The following RUNDC1 variants were observed in gnomAD, a reference collection of about 807,000 sequenced individuals.
RUNDC1 encodes the protein RUN domain containing 1.
In RUNDC1, 31 loss-of-function variants were observed where a neutral mutation model predicts 49.3. The observed-to-expected ratio is 0.63, with a 90% CI of 0.47 to 0.85. The LOEUF (loss-of-function observed/expected upper bound fraction) is 0.85, where lower values mean the gene tolerates loss of function less well. RUNDC1 is among the 40% of genes least tolerant of loss of function. The probability of loss-of-function intolerance (pLI) is 0.00; values close to 1 mark genes in which losing one functional copy is unlikely to be tolerated. For synonymous variants in RUNDC1, 347 were observed against 348.6 expected (o/e 1.00, Z 0.05); for missense variants, 715 against 806.7 (o/e 0.89, Z 1.38).
At chr17:42,981,635 T>G (rs2050090520) in intron 1 of RUNDC1, 1 of 152,324 alleles carries the variant, frequency 6.6e-6, no homozygotes, top group Admixed American at 6.6e-5. Context: ...TAGATAAATT[T>G]CCTAATGTTG....
intron 2 of RUNDC1, among the ~76,000 whole-genome samples, chr17:42,987,902 G>C (rs141796280): frequency 6.6e-6 from 1 of 151,464 alleles, no homozygotes; most frequent in South Asian, 2.1e-4. Context: ...ATAGGCAGGC[G>C]CCACCATGCT....
rs1013600344 is a variant in RUNDC1, at chr17:42,994,005, G to A, written c.*2289G>A. On this transcript the variant is annotated 3_prime_UTR_variant, in exon 5 of 5. Transcript: ENST00000361677. ...CTTCTGAGTAGCTGGGAGTACCGGC[G>A]CCTGCCACCACGCCTGGCTAATGTT... Among the ~76,000 whole-genome samples the A allele has an allele frequency of 6.6e-6, 1 of 152,102 alleles. No individual in the cohort carries two copies. Among genetic ancestry groups the A allele is most frequent in the Non-Finnish European group, 1.5e-5 (1 of 68,028 alleles).
At chr17:42,983,098 C>T (rs2050125373) in intron 1 of RUNDC1, among the ~76,000 whole-genome samples, 1 of 150,642 alleles carries the variant, frequency 6.6e-6, no homozygotes, top group African/African-American at 2.4e-5. Context: ...AGGAGGATCA[C>T]TTGAGCCCAG....
In RUNDC1 at chr17:42,981,037, T is replaced by C; in HGVS notation, c.461T>C (p.Leu154Pro). 1 of 1,556,934 alleles carries C rather than the reference T, an allele frequency of 6.4e-7. No individual in the cohort carries two copies. ...GDPASDEGDGLPGDRPWLRGE... is the reference protein window; with the variant it reads ...GDPASDEGDGPPGDRPWLRGE... ...CCCGCCAGCGATGAGGGCGATGGGCTGCCAGGGGACCGGCCATGGTTGCGG... is the reference window on the plus strand; with the variant it reads ...CCCGCCAGCGATGAGGGCGATGGGCCGCCAGGGGACCGGCCATGGTTGCGG... The change falls in exon 1 of 5, where the codon CTG becomes CCG. Residue 154 changes from leucine to proline, a missense_variant. Coordinates refer to ENST00000361677, the MANE Select transcript of RUNDC1 (RefSeq NM_173079.5).
intron 1 of RUNDC1, chr17:42,982,147 A>C (rs1182455193): frequency 6.6e-6 from 1 of 151,628 alleles, no homozygotes; most frequent in Non-Finnish European, 1.5e-5. Flanking sequence ...CACCACACCC[A>C]GTTAATTTTG....
chr17:42,992,175 A>G lies in RUNDC1; in HGVS notation c.*459A>G, dbSNP rs1272220512. ...GCTTGCAGTGAGCCAAGATCGCGCC[A>G]CTGCACTCCAGCCTGGGCGACAGAG... On this transcript the variant is annotated 3_prime_UTR_variant, in exon 5 of 5. Coordinates refer to ENST00000361677, the MANE Select transcript of RUNDC1 (RefSeq NM_173079.5). 1 of 166,210 alleles carries G rather than the reference A, an allele frequency of 6.0e-6. No individual in the cohort carries two copies. Among genetic ancestry groups the G allele is most frequent in the Non-Finnish European group, 1.3e-5 (1 of 76,086 alleles). The allele number at this position is 166,210 out of a possible 1,614,324, so 10.3% of individuals were successfully genotyped here.
chr17:42,982,824 A>C (rs1263175445), intron 1 of RUNDC1, among the ~76,000 whole-genome samples: 1 of 151,096 alleles, frequency 6.6e-6, no homozygotes, highest in African/African-American at 2.4e-5. Flanking sequence ...AAATACAAAA[A>C]AAAAAAAAAA....
At position 42,991,432 on chromosome 17, in the gene RUNDC1, A is replaced by C. The variant is rs746163891; in HGVS notation, c.1558A>C (p.Ile520Leu). ...CCCCAAACAGAGCCTACTGACAGCC[A>C]TCCACATGGTGCTGACAGAGCATGA... ...VTPKQSLLTA[I>L]HMVLTEHDPF... Residue 520 changes from isoleucine to leucine, a missense_variant, in exon 5 of 5, where the codon ATC (isoleucine) becomes CTC (leucine). This residue lies in a region of RUNDC1 where 425 missense variants were observed against 499.7 expected (regional missense o/e 0.85). Coordinates refer to ENST00000361677, the MANE Select transcript of RUNDC1 (RefSeq NM_173079.5). 6 of 1,614,196 alleles carry C rather than the reference A, an allele frequency of 3.7e-6. No individual in the cohort carries two copies. In the Admixed American group the frequency reaches 1.0e-4, roughly 27 times the overall value.
At chr17:42,988,093 C>T (rs2050193219) in intron 2 of RUNDC1, among the ~76,000 whole-genome samples, 1 of 151,986 alleles carries the variant, frequency 6.6e-6, no homozygotes, top group Non-Finnish European at 1.5e-5. Flanking sequence ...TTTTGATAAA[C>T]ATGCCAGGAA....
chr17:42,981,392 C>T (rs1299045628), intron 1 of RUNDC1: 6 of 334,078 alleles, frequency 1.8e-5, no homozygotes, highest in Non-Finnish European at 2.7e-5. Context: ...GCTGCGCCCA[C>T]TCACCTTTCC....
chr17:42,982,445 C>T (rs1449356941), intron 1 of RUNDC1, among the ~76,000 whole-genome samples: 1 of 152,152 alleles, frequency 6.6e-6, no homozygotes, highest in Non-Finnish European at 1.5e-5. Flanking sequence ...CCACCCTTCT[C>T]CACATACCTG....
chr17:42,991,753 G>C lies in RUNDC1; in HGVS notation c.*37G>C, dbSNP rs368354222. The C allele has an allele frequency of 7.9e-5, 125 of 1,577,150 alleles. No homozygotes were observed. Among genetic ancestry groups the C allele is most frequent in the Middle Eastern group, 3.4e-4 (2 of 5,898 alleles). On this transcript the variant is annotated 3_prime_UTR_variant, in exon 5 of 5. Coordinates refer to ENST00000361677, the MANE Select transcript of RUNDC1 (RefSeq NM_173079.5). The stretch of plus-strand genomic sequence containing the variant: ...TAACCCCAGACAAGCTCCTTGTTCA[G>C]TAGGGATAGATGTGCTAGTCTTCTA...
Position 42,991,579 on chromosome 17 carries a change from T to G in RUNDC1, c.1705T>G (p.Tyr569Asp). The G allele has an allele frequency of 6.2e-7, 1 of 1,614,156 alleles. No homozygotes were observed. The highest frequency in any genetic ancestry group is 2.2e-5 in the East Asian group (1 of 44,886). Residue 569 changes from tyrosine (Y) to aspartate (D), a missense_variant, in exon 5 of 5, where the codon TAC (tyrosine) becomes GAC (aspartate). Physicochemically the swap from Tyr to Asp is radical, Grantham distance 160. Around this residue, in one of 5 missense-constraint regions of RUNDC1, gnomAD observed 425 missense variants for 499.7 expected, o/e 0.85. Coordinates refer to ENST00000361677, the MANE Select transcript of RUNDC1 (RefSeq NM_173079.5). ...GTCCGGGTCACTCATCGAGCCTCACTACCAGCCCTGGAGCTACATGGCACA... is the reference window on the plus strand; with the variant it reads ...GTCCGGGTCACTCATCGAGCCTCACGACCAGCCCTGGAGCTACATGGCACA... ...CKSGSLIEPH[Y>D]QPWSYMAHTG... is the part of the protein sequence containing the mutation.
chr17:42,988,791 C>G (rs1459466968), intron 2 of RUNDC1, among the ~76,000 whole-genome samples: 1 of 151,866 alleles, frequency 6.6e-6, no homozygotes, highest in Non-Finnish European at 1.5e-5. Flanking sequence ...CCAGCCTGAG[C>G]AACATAACGA....
At position 42,993,825 on chromosome 17, in the gene RUNDC1, C is replaced by T. The variant is rs937729111; in HGVS notation, c.*2109C>T. 2 of 152,150 alleles carry T rather than the reference C, an allele frequency of 1.3e-5. No homozygotes were observed. Among genetic ancestry groups the T allele is most frequent in the East Asian group, 1.9e-4 (1 of 5,196 alleles). The allele number at this position is 152,150 out of a possible 1,614,324, so 9.4% of individuals were successfully genotyped here. Reference sequence around the variant, plus strand: ...CCTGCCCACGCCTGTAGTCCCTCCCCACAACAGATGTCATCACACATGCTG... The same window carrying T: ...CCTGCCCACGCCTGTAGTCCCTCCCTACAACAGATGTCATCACACATGCTG... On this transcript the variant is annotated 3_prime_UTR_variant, in exon 5 of 5. Transcript: ENST00000361677.
Position 42,989,457 on chromosome 17 carries a change from C to T in RUNDC1, c.774C>T (p.Asn258=). 2 of 1,613,630 alleles carry T rather than the reference C, an allele frequency of 1.2e-6. No individual in the cohort carries two copies. The highest frequency in any genetic ancestry group is 1.1e-5 in the South Asian group (1 of 91,054). The change falls in exon 3 of 5, where the codon AAC becomes AAT. Residue 258 remains asparagine (N), a synonymous_variant. Coordinates refer to ENST00000361677, the MANE Select transcript of RUNDC1 (RefSeq NM_173079.5). ...ATGCAGCAGTGGCTCAGATCGTCAA[C>T]CCAGCCCGAGTCAAAGAACAGTTGG... ...RVDAAVAQIV[N]PARVKEQLVE...
chr17:42,982,941 C>T (rs1049734536), intron 1 of RUNDC1, among the ~76,000 whole-genome samples: 2 of 150,426 alleles, frequency 1.3e-5, no homozygotes, highest in Admixed American at 6.6e-5. Context: ...GAGCCAAGAT[C>T]GTGCCATCGC....
chr17:42,988,314 A>G (rs940567801), intron 2 of RUNDC1, among the ~76,000 whole-genome samples: 2 of 149,298 alleles, frequency 1.3e-5, no homozygotes, highest in African/African-American at 2.5e-5. Context: ...GTGCAGTGGC[A>G]TGATCTTGGC....
At position 42,990,205 on chromosome 17, in the gene RUNDC1, C is replaced by A. The variant is rs923359127; in HGVS notation, c.857-112C>A. The A allele has an allele frequency of 5.0e-6, 7 of 1,406,466 alleles. No homozygotes were observed. The African/African-American group carries it at 5.7e-5, about 12-fold the overall frequency. 87.1% of individuals were successfully genotyped at this position (1,406,466 alleles called of 1,614,324 possible). On this transcript the variant is annotated intron_variant, in intron 3 of 4. Coordinates refer to ENST00000361677, the MANE Select transcript of RUNDC1 (RefSeq NM_173079.5). ...CCTCATTTTACACAATTAAATAGGA[C>A]AAGAGTTTGTGAAATTCTTGTTTCT...
Sources: gnomAD v4.1 joint callset for allele counts (sites outside exome capture counted in the v4.1 genomes callset) on GRCh38, gnomAD v4.1.1 for gene constraint, gnomAD v4.1.1 regional missense constraint, MANE v1.5 for transcripts, NCBI Gene and HGNC (gene_info 2026-07-23, HGNC 2026-07-21) for gene names.